ANKH: variants seen among roughly 807,000 people sequenced by gnomAD.
ANKH encodes mineralization regulator ANKH.
A neutral mutation model predicts 49.0 loss-of-function variants in ANKH; 15 were observed. The observed-to-expected ratio is 0.31, with a 90% CI of 0.20 to 0.47. ANKH has a LOEUF of 0.47. Ranked by LOEUF, ANKH falls within the 20% of genes least tolerant of loss-of-function variation. ANKH has a pLI of 1.00. For missense variants in ANKH, 429 were observed against 652.0 expected (o/e 0.66, Z 3.72); for synonymous variants, 273 against 260.0 (o/e 1.05, Z -0.48).
At chr5:14,824,222 T>C (rs1741276344) in intron 1 of ANKH, among the ~76,000 whole-genome samples, 2 of 152,040 alleles carry the variant, frequency 1.3e-5, no homozygotes, top group Admixed American at 1.3e-4. Context: ...AAGTGATTTA[T>C]TTTTCAGATT....
chr5:14,773,230 CT>C (rs1241462845), intron 1 of ANKH, among the ~76,000 whole-genome samples: 2 of 151,948 alleles, frequency 1.3e-5, no homozygotes, highest in African/African-American at 4.8e-5. Flanking sequence ...TTTACTTGTG[CT>C]TATTGCTCGA....
intron 1 of ANKH, chr5:14,797,998 G>A: frequency 1.9e-6 from 3 of 1,561,594 alleles, no homozygotes; most frequent in South Asian, 1.1e-5. Context: ...CAAGGGTTCT[G>A]GGGCATATAA....
intron 1 of ANKH, among the ~76,000 whole-genome samples, chr5:14,805,969 T>C (rs990920886): frequency 2.0e-5 from 3 of 152,218 alleles, no homozygotes; most frequent in Admixed American, 6.5e-5. Flanking sequence ...TTTGAGGCGA[T>C]ACATATAACA....
intron 1 of ANKH, among the ~76,000 whole-genome samples, chr5:14,867,560 T>C (rs1333975778): frequency 1.4e-5 from 2 of 139,354 alleles, no homozygotes; most frequent in Non-Finnish European, 3.3e-5. Context: ...TCCCATTTTC[T>C]TTTTTTTTTT....
At chr5:14,782,823 C>T (rs533296306) in intron 1 of ANKH, among the ~76,000 whole-genome samples, 10 of 152,272 alleles carry the variant, frequency 6.6e-5, no homozygotes, top group South Asian at 2.1e-4. Flanking sequence ...TCCAGCACCA[C>T]GCAGGCCATC....
At chr5:14,746,767 G>T (rs1738556208) in intron 6 of ANKH, among the ~76,000 whole-genome samples, 1 of 152,190 alleles carries the variant, frequency 6.6e-6, no homozygotes, top group African/African-American at 2.4e-5. Flanking sequence ...CAGCTTGGAG[G>T]TTGGAAGCAA....
chr5:14,804,084 C>T (rs1262767518), intron 1 of ANKH, among the ~76,000 whole-genome samples: 3 of 151,928 alleles, frequency 2.0e-5, no homozygotes, highest in Non-Finnish European at 2.9e-5. Flanking sequence ...TTAGTAGAGA[C>T]GGGGTTTCAC....
chr5:14,730,383 GA>G (rs2126445587), intron 8 of ANKH, among the ~76,000 whole-genome samples: 1 of 152,266 alleles, frequency 6.6e-6, no homozygotes, highest in South Asian at 2.1e-4. Context: ...TTATGGAAAA[GA>G]GGCGAATATG....
chr5:14,836,268 A>G (rs1359645352), intron 1 of ANKH, among the ~76,000 whole-genome samples: 4 of 152,032 alleles, frequency 2.6e-5, no homozygotes, highest in South Asian at 2.1e-4. Context: ...TTCTGGCCAG[A>G]GCAATCAGGC....
intron 1 of ANKH, among the ~76,000 whole-genome samples, chr5:14,769,501 A>T (rs1413929530): frequency 2.1e-5 from 3 of 145,624 alleles, no homozygotes; most frequent in Non-Finnish European, 4.4e-5. Context: ...TGATTTTTTT[A>T]AAAAAACAAA....
intron 1 of ANKH, among the ~76,000 whole-genome samples, chr5:14,861,467 G>A (rs904228027): frequency 2.0e-5 from 3 of 152,168 alleles, no homozygotes; most frequent in Non-Finnish European, 2.9e-5. Context: ...CTCCCTATCT[G>A]AGGACTCTGC....
intron 1 of ANKH, among the ~76,000 whole-genome samples, chr5:14,841,291 T>G (rs1289446193): frequency 2.0e-5 from 3 of 151,246 alleles, no homozygotes; most frequent in Non-Finnish European, 4.4e-5. Flanking sequence ...ACATAAAATA[T>G]AACATTTATT....
intron 8 of ANKH, among the ~76,000 whole-genome samples, chr5:14,734,553 C>T (rs959760165): frequency 1.3e-5 from 2 of 152,188 alleles, no homozygotes; most frequent in Admixed American, 6.5e-5. Context: ...CAGTGAAAAC[C>T]GAAAGAGCCG....
chr5:14,862,222 G>C (rs563762463), intron 1 of ANKH, among the ~76,000 whole-genome samples: 108 of 152,296 alleles, frequency 7.1e-4, no homozygotes, highest in African/African-American at 2.5e-3. Flanking sequence ...GGCAACAAGA[G>C]CGAAACTGTC....
chr5:14,775,095 C>T (rs1739573125), intron 1 of ANKH, among the ~76,000 whole-genome samples: 1 of 151,744 alleles, frequency 6.6e-6, no homozygotes, highest in Admixed American at 6.6e-5. Context: ...CTTCCTCTGT[C>T]ACCCAAGCTG....
intron 8 of ANKH, among the ~76,000 whole-genome samples, chr5:14,734,087 C>A (rs1399672561): frequency 6.6e-6 from 1 of 152,192 alleles, no homozygotes; most frequent in East Asian, 1.9e-4. Flanking sequence ...GCTAGATATG[C>A]GTTCTAAATT....
At chr5:14,834,386 G>C (rs979838864) in intron 1 of ANKH, among the ~76,000 whole-genome samples, 1 of 152,192 alleles carries the variant, frequency 6.6e-6, no homozygotes, top group African/African-American at 2.4e-5. Flanking sequence ...TTCAAGGTAA[G>C]CATGCCCCAA....
intron 1 of ANKH, among the ~76,000 whole-genome samples, chr5:14,843,096 C>A (rs945732322): frequency 1.3e-5 from 2 of 151,800 alleles, no homozygotes; most frequent in Non-Finnish European, 2.9e-5. Context: ...TAATTGCCTA[C>A]AACTCAGCAG....
rs13170282 is a variant in ANKH at position 14,749,019 on chromosome 5, C to T, written c.822+153G>A. Among the ~76,000 whole-genome samples the T allele has an allele frequency of 0.13, 19,441 of 152,222 alleles. 1,796 individuals are homozygous for T. Among genetic ancestry groups the T allele is most frequent in the African/African-American group, 0.25 (10,550 of 41,518 alleles). On this transcript the variant is annotated intron_variant, in intron 6 of 11. Transcript: ENST00000284268. The stretch of plus-strand genomic sequence containing the variant: ...ATACAATTACATGACTATAAGTCAC[C>T]GAACGAGATCTTTATGGCTTCCTAG...
Sources: allele counts gnomAD v4.1 joint callset (sites outside exome capture counted in the v4.1 genomes callset), GRCh38; gene constraint gnomAD v4.1.1; transcripts MANE v1.5; gene names NCBI Gene and HGNC (gene_info 2026-07-23, HGNC 2026-07-21).